OXR1: variants seen among roughly 807,000 people sequenced by gnomAD.
OXR1 encodes the protein oxidation resistance protein 1.
OXR1 carries 41 observed loss-of-function variants against 104.6 expected under a neutral mutation model. The observed-to-expected ratio is 0.39, with a 90% CI of 0.31 to 0.51. The LOEUF (loss-of-function observed/expected upper bound fraction) is 0.51, where lower values mean the gene tolerates loss of function less well. Ranked by LOEUF, OXR1 falls within the 20% of genes least tolerant of loss-of-function variation. OXR1 has a pLI of 0.77. For missense variants in OXR1, 955 were observed against 1,031.9 expected, an observed-to-expected ratio of 0.93 and a Z score of 1.02; for synonymous variants, 348 against 348.4, an observed-to-expected ratio of 1.00 and a Z score of 0.01.
intron 2 of OXR1, among the ~76,000 whole-genome samples, chr8:106,518,131 CT>C (rs1178761884): frequency 1.3e-5 from 2 of 152,148 alleles, no homozygotes; most frequent in African/African-American, 2.4e-5. Context: ...AAGTATGAAA[CT>C]TTTAGGAAAT....
intron 2 of OXR1, among the ~76,000 whole-genome samples, chr8:106,435,148 G>T (rs1819517991): frequency 6.6e-6 from 1 of 152,142 alleles, no homozygotes; most frequent in Non-Finnish European, 1.5e-5. Context: ...AATGAACAGT[G>T]CTGATTATGG....
chr8:106,434,267 A>G (rs1015439735), intron 2 of OXR1, among the ~76,000 whole-genome samples: 3 of 152,206 alleles, frequency 2.0e-5, no homozygotes, highest in Non-Finnish European at 2.9e-5. Context: ...CAGTGGTAAT[A>G]GGCAACACTA....
chr8:106,679,069 G>C (rs1008678640), intron 3 of OXR1, 141 bp from the exon 4 acceptor site: 1 of 456,966 alleles, frequency 2.2e-6, no homozygotes, highest in African/African-American at 2.0e-5. Context: ...ACAGTTGCTT[G>C]ATTTTTACAG....
chr8:106,498,265 A>G (rs1277428616), intron 2 of OXR1, among the ~76,000 whole-genome samples: 1 of 152,196 alleles, frequency 6.6e-6, no homozygotes, highest in African/African-American at 2.4e-5. Context: ...TCTCAAATGT[A>G]TTTTTGAGGT....
intron 1 of OXR1, among the ~76,000 whole-genome samples, chr8:106,317,211 T>C (rs1226029278): frequency 6.6e-6 from 1 of 152,194 alleles, no homozygotes; most frequent in East Asian, 1.9e-4. Flanking sequence ...AATAGAGCTA[T>C]TTAAGCTGAT....
At chr8:106,495,001 G>A (rs924403791) in intron 2 of OXR1, among the ~76,000 whole-genome samples, 4 of 152,120 alleles carry the variant, frequency 2.6e-5, no homozygotes, top group Non-Finnish European at 4.4e-5. Context: ...TGCCAGACAC[G>A]TGTAGGTACT....
At chr8:106,509,105 C>T (rs1039247202) in intron 2 of OXR1, among the ~76,000 whole-genome samples, 3 of 152,076 alleles carry the variant, frequency 2.0e-5, no homozygotes, top group Non-Finnish European at 4.4e-5. Context: ...AGAAAGAAAT[C>T]GATGTGGCAA....
intron 1 of OXR1, among the ~76,000 whole-genome samples, chr8:106,270,666 C>T (rs1811757183): frequency 6.6e-6 from 1 of 152,078 alleles, no homozygotes; most frequent in South Asian, 2.1e-4. Flanking sequence ...GGGAGGAGAC[C>T]GGGCGGGGAG....
rs189067094 is a variant in OXR1, at chr8:106,401,907, C to T, written c.23+42271C>T. Among the ~76,000 whole-genome samples, 32 of 152,290 alleles carry T rather than the reference C, an allele frequency of 2.1e-4. No individual in the cohort carries two copies. The East Asian group carries it at 5.4e-3, about 26-fold the overall frequency. On this transcript the variant is annotated intron_variant, in intron 2 of 16. Transcript: ENST00000517566. ...GGGGAAAAATTGACCAAGATTCCTG[C>T]AAACTATGGTTTTATAGCCTGAGGA... is the stretch of plus-strand genomic sequence containing the variant.
At chr8:106,634,964 T>C (rs1823012276) in intron 3 of OXR1, among the ~76,000 whole-genome samples, 1 of 152,178 alleles carries the variant, frequency 6.6e-6, no homozygotes, top group Admixed American at 6.5e-5. Context: ...TACTGAATCT[T>C]AAGATCCATA....
At chr8:106,416,433 A>T (rs1818680929) in intron 2 of OXR1, among the ~76,000 whole-genome samples, 1 of 152,072 alleles carries the variant, frequency 6.6e-6, no homozygotes, top group Admixed American at 6.6e-5. Flanking sequence ...AAAAAATAAA[A>T]GGTTGTCTGG....
intron 3 of OXR1, among the ~76,000 whole-genome samples, chr8:106,596,657 T>C (rs1225397166): frequency 6.6e-6 from 1 of 152,130 alleles, no homozygotes; most frequent in Non-Finnish European, 1.5e-5. Flanking sequence ...CAGCAATGAC[T>C]CATAGAGAGG....
intron 2 of OXR1, among the ~76,000 whole-genome samples, chr8:106,482,296 C>T (rs1042733061): frequency 3.3e-5 from 5 of 151,110 alleles, no homozygotes; most frequent in South Asian, 2.1e-4. Flanking sequence ...CAGAAAAGAA[C>T]GAAGAGCAAG....
intron 3 of OXR1, among the ~76,000 whole-genome samples, chr8:106,537,826 CA>C (rs1814660039): frequency 6.6e-6 from 1 of 151,286 alleles, no homozygotes; most frequent in Non-Finnish European, 1.5e-5. Context: ...CTCTCCATCC[CA>C]AAAAAGAAGA....
chr8:106,710,739 A>G lies in OXR1; in HGVS notation c.1742A>G (p.Tyr581Cys). 6.3e-7 allele frequency: 1 copy of G among 1,580,832 alleles called. No homozygotes were observed. Residue 581 changes from tyrosine to cysteine, a missense_variant, in exon 10 of 17, where the codon TAT becomes TGT. Tyr to Cys is a radical substitution (Grantham distance 194, BLOSUM62 -2). Coordinates refer to ENST00000517566, the MANE Select transcript of OXR1 (RefSeq NM_001198533.2). ...VSQASATMQQ[Y>C]AQRDKKHEYW... ...CAAGCAAGTGCTACAATGCAACAGT[A>G]TGCACAGAGAGATAAGAAACATGAA...
intron 1 of OXR1, among the ~76,000 whole-genome samples, chr8:106,289,213 A>T (rs1165710518): frequency 6.6e-6 from 1 of 152,214 alleles, no homozygotes; most frequent in African/African-American, 2.4e-5. Context: ...GCATCCAAAT[A>T]GGAAAATAAG....
At position 106,618,134 on chromosome 8, in the gene OXR1, C is replaced by A. The variant is rs776123065; in HGVS notation, c.221-61076C>A. 2.6e-6 allele frequency: 4 copies of A among 1,535,910 alleles called. No individual in the cohort carries two copies. In the South Asian group the frequency reaches 4.8e-5, roughly 18 times the overall value. On this transcript the variant is annotated intron_variant, in intron 3 of 16. Coordinates refer to ENST00000517566, the MANE Select transcript of OXR1 (RefSeq NM_001198533.2). ...CTTCTTGAAAGCAGCTCACTGCTAG[C>A]TGAGCAAGGTTCGAAGGAAGGACCT...
intron 2 of OXR1, among the ~76,000 whole-genome samples, chr8:106,416,577 T>C (rs1219119080): frequency 6.6e-6 from 1 of 152,050 alleles, no homozygotes; most frequent in African/African-American, 2.4e-5. Flanking sequence ...TCTTTTAAAA[T>C]TTGAATTTTC....
intron 1 of OXR1, among the ~76,000 whole-genome samples, chr8:106,307,624 A>G (rs1563708402): frequency 6.6e-6 from 1 of 152,048 alleles, no homozygotes; most frequent in Non-Finnish European, 1.5e-5. Context: ...AAGCATCCTA[A>G]GGGCAGGAAC....
Sources: gnomAD v4.1 joint callset for allele counts (sites outside exome capture counted in the v4.1 genomes callset) on GRCh38, gnomAD v4.1.1 for gene constraint, MANE v1.5 for transcripts, NCBI Gene and HGNC (gene_info 2026-07-23, HGNC 2026-07-21) for gene names.